Variants in MAP3K13 observed in about 807,000 individuals in gnomAD.
MAP3K13 encodes leucine zipper-bearing kinase.
MAP3K13 carries 52 observed loss-of-function variants against 104.0 expected under a neutral mutation model. The ratio of observed to expected loss-of-function variants is 0.50; its 90% CI spans 0.40 to 0.63. The LOEUF (loss-of-function observed/expected upper bound fraction) is 0.63. MAP3K13 is among the 20% of genes least tolerant of loss of function. MAP3K13 has a pLI of 0.00. For synonymous variants in MAP3K13, 394 were observed against 442.2 expected, an observed-to-expected ratio of 0.89 and a Z score of 1.37; for missense variants, 914 against 1,218.5, an observed-to-expected ratio of 0.75 and a Z score of 3.72.
intron 7 of MAP3K13, among the ~76,000 whole-genome samples, chr3:185,455,644 GAGAT>G (rs1309919667): frequency 1.1e-3 from 24 of 21,234 alleles, no homozygotes; most frequent in Non-Finnish European, 1.9e-3. Flanking sequence ...TGATATATAT[GAGAT>G]ATATATATGA....
chr3:185,482,896 G>A lies in MAP3K13; in HGVS notation c.*440G>A, dbSNP rs984384091. On this transcript the variant is annotated 3_prime_UTR_variant, in exon 14 of 14. Transcript: ENST00000265026. The surrounding 1 kb of genome is among the most constrained non-coding windows in gnomAD (Gnocchi z 4.5). ...AACATCCTTGGGAATTTGTGGGGCCGGGAGGTATTATTGCTGCTTGAACAG... is the reference window on the plus strand; with the variant it reads ...AACATCCTTGGGAATTTGTGGGGCCAGGAGGTATTATTGCTGCTTGAACAG... 8.5e-6 allele frequency: 2 copies of A among 234,566 alleles called. No individual in the cohort carries two copies. The highest frequency in any genetic ancestry group is 6.1e-5 in the East Asian group (1 of 16,452). 14.5% of individuals were successfully genotyped at this position (234,566 alleles called of 1,614,324 possible).
chr3:185,325,213 A>C (rs537427568), intron 2 of MAP3K13, among the ~76,000 whole-genome samples: 57 of 152,318 alleles, frequency 3.7e-4, no homozygotes, highest in Middle Eastern at 6.8e-3. Flanking sequence ...GTGGGCTAAA[A>C]CCAAAATGTG....
At chr3:185,432,572 T>C (rs1714809576) in intron 2 of MAP3K13, among the ~76,000 whole-genome samples, 1 of 152,028 alleles carries the variant, frequency 6.6e-6, no homozygotes, top group African/African-American at 2.4e-5. Flanking sequence ...TCGAGTACAT[T>C]TGGTTTTTAG....
At chr3:185,386,176 T>C (rs1711675507) in intron 1 of MAP3K13, among the ~76,000 whole-genome samples, 1 of 152,070 alleles carries the variant, frequency 6.6e-6, no homozygotes, top group Non-Finnish European at 1.5e-5. Flanking sequence ...AACAAAGGTC[T>C]AATATTCAGC....
chr3:185,479,097 C>G (rs906296397), intron 12 of MAP3K13, among the ~76,000 whole-genome samples: 1 of 152,180 alleles, frequency 6.6e-6, no homozygotes, highest in Non-Finnish European at 1.5e-5. Flanking sequence ...GTTGGCTCAT[C>G]AGAGCCAAAC....
In MAP3K13 at chr3:185,307,550, C is replaced by G. The variant is rs745777106; in HGVS notation, c.-86+21907C>G. ...TTCCATTTGGTGCACCACCCCCTCC[C>G]CCGCCACCCCGAGATGCAGTCTTAC... On this transcript the variant is annotated intron_variant, in intron 2 of 14. Coordinates refer to the MAP3K13 transcript ENST00000424227. Among the ~76,000 whole-genome samples the G allele has an allele frequency of 6.7e-5, 9 of 133,796 alleles. 1 individual carries two copies. The East Asian group carries it at 1.4e-3, about 21-fold the overall frequency. The allele number at this position is 133,796 out of a possible 152,430, so 87.8% of individuals were successfully genotyped here.
At position 185,341,714 on chromosome 3, in the gene MAP3K13, G is replaced by T. The variant is rs569152807; in HGVS notation, c.-86+56071G>T. ...TGAATAGAATAAAGAAGGAGCAAGAGGCTTCAAGTTTCCAGCCTTGGAGAC... is the reference window on the plus strand; with the variant it reads ...TGAATAGAATAAAGAAGGAGCAAGATGCTTCAAGTTTCCAGCCTTGGAGAC... On this transcript the variant is annotated intron_variant, in intron 2 of 14. Transcript: ENST00000424227. 4.9e-4 allele frequency among the ~76,000 whole-genome samples: 74 copies of T among 152,302 alleles called. 1 individual carries two copies. The Middle Eastern group carries it at 0.01, about 21-fold the overall frequency.
At chr3:185,464,235 C>A (rs1011790115) in intron 8 of MAP3K13, among the ~76,000 whole-genome samples, 3 of 152,144 alleles carry the variant, frequency 2.0e-5, no homozygotes, top group African/African-American at 2.4e-5. Flanking sequence ...CTACAGTGAG[C>A]CCAGATTGTG....
rs1038200692 is a variant in MAP3K13 at position 185,487,611 on chromosome 3, C to T, written c.*5155C>T. 1 of 152,000 alleles carries T rather than the reference C, an allele frequency of 6.6e-6. No individual in the cohort carries two copies. Among genetic ancestry groups the T allele is most frequent in the Admixed American group, 6.6e-5 (1 of 15,264 alleles). The allele number at this position is 152,000 out of a possible 1,614,324, so 9.4% of individuals were successfully genotyped here. Reference sequence around the variant, plus strand: ...TTTTTTCCTTTTCTTAAAACAGTCCCACTTGAACTTCCTGGAACTGAATTC... The same window carrying T: ...TTTTTTCCTTTTCTTAAAACAGTCCTACTTGAACTTCCTGGAACTGAATTC... On this transcript the variant is annotated 3_prime_UTR_variant, in exon 14 of 14. Coordinates refer to ENST00000265026, the MANE Select transcript of MAP3K13 (RefSeq NM_004721.5).
upstream of MAP3K13, among the ~76,000 whole-genome samples, chr3:185,358,798 C>A (rs1049152338): frequency 8.5e-5 from 13 of 152,108 alleles, no homozygotes; most frequent in African/African-American, 3.1e-4. Flanking sequence ...AGATTGTTTT[C>A]CAGATTAATT....
At chr3:185,291,922 AAT>A (rs1176557787) in intron 2 of MAP3K13, 15 of 1,148,866 alleles carry the variant, frequency 1.3e-5, no homozygotes, top group Admixed American at 9.0e-5. Context: ...AAAAAAAAAA[AAT>A]GTGTTCTGTG....
intron 5 of MAP3K13, among the ~76,000 whole-genome samples, chr3:185,449,072 G>A (rs1283652771): frequency 1.3e-5 from 2 of 151,774 alleles, no homozygotes; most frequent in African/African-American, 4.8e-5. Context: ...AGATTTCATG[G>A]TTTAAAAAGT....
At chr3:185,369,567 A>G (rs948451563) in intron 1 of MAP3K13, among the ~76,000 whole-genome samples, 3 of 152,224 alleles carry the variant, frequency 2.0e-5, no homozygotes, top group East Asian at 1.9e-4. Context: ...GTGCCCTCCC[A>G]TAGTATCACC....
At chr3:185,358,533 C>G (rs1723474077), upstream of MAP3K13, among the ~76,000 whole-genome samples, 1 of 152,110 alleles carries the variant, frequency 6.6e-6, no homozygotes, top group Non-Finnish European at 1.5e-5. Flanking sequence ...TGATGATCTC[C>G]CTTGACACAA....
chr3:185,298,527 TAA>T (rs1720993993), intron 2 of MAP3K13, among the ~76,000 whole-genome samples: 1 of 152,244 alleles, frequency 6.6e-6, no homozygotes, highest in African/African-American at 2.4e-5. Context: ...CTAACTAATT[TAA>T]AATATGTTTA....
chr3:185,339,882 C>T (rs912991337), intron 2 of MAP3K13, among the ~76,000 whole-genome samples: 9 of 152,144 alleles, frequency 5.9e-5, no homozygotes, highest in Admixed American at 6.6e-5. Context: ...ACAGCCCTCA[C>T]TTAGTTATAT....
In MAP3K13 at chr3:185,418,624, T is replaced by G. The variant is rs1203194978; in HGVS notation, c.-85-9873T>G. On this transcript the variant is annotated intron_variant, in intron 1 of 13. Coordinates refer to ENST00000265026, the MANE Select transcript of MAP3K13 (RefSeq NM_004721.5). This position sits in a 1 kb window ranked among gnomAD's most constrained non-coding sequence, Gnocchi z 4.5. ...ATGACCTGCTAATTCACTGGCAGCG[T>G]AGGGCTGTCTGTTGTTTTTGCGCAA... The G allele has an allele frequency of 3.7e-6, 6 of 1,612,096 alleles. No individual in the cohort carries two copies. The highest frequency in any genetic ancestry group is 2.0e-4 in the Middle Eastern group (1 of 4,952).
chr3:185,327,711 C>A (rs562125370), intron 2 of MAP3K13, among the ~76,000 whole-genome samples: 2 of 151,966 alleles, frequency 1.3e-5, no homozygotes, highest in Non-Finnish European at 2.9e-5. Flanking sequence ...CAGGAGTTTG[C>A]GACCAGCCTG....
chr3:185,349,733 G>A (rs1723066970), intron 2 of MAP3K13, among the ~76,000 whole-genome samples: 1 of 152,230 alleles, frequency 6.6e-6, no homozygotes, highest in African/African-American at 2.4e-5. Flanking sequence ...CTCAGTGCTA[G>A]CACATACCAA....
Sources: allele counts gnomAD v4.1 joint callset (sites outside exome capture counted in the v4.1 genomes callset), GRCh38; gene constraint gnomAD v4.1.1; non-coding constraint Gnocchi (gnomAD v3.1); transcripts MANE v1.5; gene names NCBI Gene and HGNC (gene_info 2026-07-23, HGNC 2026-07-21).